The following NOS1AP variants were observed in gnomAD, a reference collection of about 807,000 sequenced individuals.
NOS1AP encodes carboxyl-terminal PDZ ligand of neuronal nitric oxide synthase protein.
Under a neutral mutation model 56.2 loss-of-function variants are expected in NOS1AP, and 21 were observed. The observed-to-expected ratio is 0.37, with a 90% confidence interval of 0.26 to 0.54. The LOEUF (loss-of-function observed/expected upper bound fraction) is 0.54. NOS1AP is among the 20% of genes least tolerant of loss of function. The pLI is 0.84. For synonymous variants in NOS1AP, 270 were observed against 274.6 expected (o/e 0.98, Z 0.17); for missense variants, 522 against 657.8 (o/e 0.79, Z 2.26).
intron 2 of NOS1AP, among the ~76,000 whole-genome samples, chr1:162,238,305 G>A (rs1194408632): frequency 6.6e-6 from 1 of 152,070 alleles, no homozygotes; most frequent in East Asian, 1.9e-4. Flanking sequence ...GGGTATTTTT[G>A]TGCGGGTCAC....
intron 1 of NOS1AP, among the ~76,000 whole-genome samples, chr1:162,076,691 C>T (rs1483562111): frequency 2.0e-5 from 3 of 152,170 alleles, no homozygotes; most frequent in Non-Finnish European, 4.4e-5. Flanking sequence ...CATGGTGAAA[C>T]CCCATCTCTA....
At chr1:162,117,040 T>C (rs1450527377) in intron 1 of NOS1AP, among the ~76,000 whole-genome samples, 1 of 152,180 alleles carries the variant, frequency 6.6e-6, no homozygotes, top group Non-Finnish European at 1.5e-5. Flanking sequence ...TGAGCTCTCA[T>C]GAAGCTTCTT....
intron 1 of NOS1AP, among the ~76,000 whole-genome samples, chr1:162,123,696 A>T (rs76111323): frequency 0.025 from 3,792 of 152,270 alleles, 156 homozygotes; most frequent in African/African-American, 0.086. Context: ...GAGGAAAATT[A>T]CAAAAATAGG....
intron 4 of NOS1AP, among the ~76,000 whole-genome samples, chr1:162,303,158 A>G (rs1242378902): frequency 6.6e-6 from 1 of 152,200 alleles, no homozygotes; most frequent in African/African-American, 2.4e-5. Context: ...TCATATGTTC[A>G]TTATGTTCAA....
At chr1:162,212,405 A>G (rs1036297508) in intron 2 of NOS1AP, among the ~76,000 whole-genome samples, 2 of 152,170 alleles carry the variant, frequency 1.3e-5, no homozygotes, top group African/African-American at 4.8e-5. Context: ...TCCTGCCCTC[A>G]TGAAACACAG....
At chr1:162,180,402 G>A (rs1389403595) in intron 2 of NOS1AP, among the ~76,000 whole-genome samples, 17 of 151,800 alleles carry the variant, frequency 1.1e-4, no homozygotes, top group Non-Finnish European at 1.9e-4. Flanking sequence ...CCGCCACCAC[G>A]GCCAGCTAAT....
intron 4 of NOS1AP, among the ~76,000 whole-genome samples, chr1:162,308,512 G>A (rs2819314): frequency 0.55 from 83,223 of 151,938 alleles, 22,974 homozygotes; most frequent in South Asian, 0.6. Flanking sequence ...ACCAGGCGGG[G>A]CTGGTGCTGA....
chr1:162,301,033 G>A (rs1202210515), intron 4 of NOS1AP, among the ~76,000 whole-genome samples: 1 of 152,152 alleles, frequency 6.6e-6, no homozygotes, highest in African/African-American at 2.4e-5. Context: ...ATCAAAATAA[G>A]AAAACTGGAT....
chr1:162,180,730 G>A (rs746049204), intron 2 of NOS1AP, among the ~76,000 whole-genome samples: 1 of 152,102 alleles, frequency 6.6e-6, no homozygotes, highest in African/African-American at 2.4e-5. Context: ...CAACGACAAC[G>A]TGAGCTTGGG....
At chr1:162,151,062 C>T (rs1203374266) in intron 1 of NOS1AP, among the ~76,000 whole-genome samples, 2 of 152,140 alleles carry the variant, frequency 1.3e-5, no homozygotes, top group African/African-American at 2.4e-5. Flanking sequence ...AGAGTTTCCC[C>T]AACATTTTCT....
intron 2 of NOS1AP, among the ~76,000 whole-genome samples, chr1:162,160,666 C>T (rs894262098): frequency 1.3e-5 from 2 of 152,096 alleles, no homozygotes; most frequent in Admixed American, 1.3e-4. Flanking sequence ...CCTAAGTGGC[C>T]CCCCTCAGCA....
At chr1:162,276,968 T>TAGTTCACAAAGC (rs1162269113) in intron 2 of NOS1AP, among the ~76,000 whole-genome samples, 2 of 152,182 alleles carry the variant, frequency 1.3e-5, no homozygotes, top group Non-Finnish European at 2.9e-5. Flanking sequence ...TAGAGATGGT[T>TAGTTCACAAAGC]AGTTCACAAA....
chr1:162,147,905 T>C (rs1649548170), intron 1 of NOS1AP, among the ~76,000 whole-genome samples: 1 of 152,190 alleles, frequency 6.6e-6, no homozygotes. Flanking sequence ...AGGCCCTGTT[T>C]GATGTCTCAC....
intron 2 of NOS1AP, among the ~76,000 whole-genome samples, chr1:162,264,133 G>T (rs545404667): frequency 3.5e-4 from 54 of 152,264 alleles, no homozygotes; most frequent in Admixed American, 3.3e-3. Context: ...CTCCAGCCAT[G>T]TTCCACTTCA....
intron 1 of NOS1AP, among the ~76,000 whole-genome samples, chr1:162,136,045 G>A (rs1184299195): frequency 6.6e-6 from 1 of 152,154 alleles, no homozygotes; most frequent in Non-Finnish European, 1.5e-5. Flanking sequence ...AGAAGCAAGT[G>A]AAAACATTGA....
At chr1:162,213,533 T>A (rs1652442837) in intron 2 of NOS1AP, among the ~76,000 whole-genome samples, 1 of 152,232 alleles carries the variant, frequency 6.6e-6, no homozygotes, top group Non-Finnish European at 1.5e-5. Flanking sequence ...ACCTCCTATT[T>A]TCTGTCCTCA....
chr1:162,194,560 C>T (rs527562526), intron 2 of NOS1AP, among the ~76,000 whole-genome samples: 36 of 152,314 alleles, frequency 2.4e-4, no homozygotes, highest in Middle Eastern at 6.8e-3. Flanking sequence ...AAGGTTTGTA[C>T]TCTGTTCCAG....
At chr1:162,267,596 C>CAAA (rs71829190) in intron 2 of NOS1AP, among the ~76,000 whole-genome samples, 2 of 100,120 alleles carry the variant, frequency 2.0e-5, no homozygotes. Flanking sequence ...CCTGTCTCTA[C>CAAA]AAAAAAAAAA....
chr1:162,212,209 G>C (rs556507836), intron 2 of NOS1AP, among the ~76,000 whole-genome samples: 2 of 152,218 alleles, frequency 1.3e-5, no homozygotes, highest in Non-Finnish European at 2.9e-5. Flanking sequence ...CCTCTGCAAG[G>C]CTGGGAAGGT....
Sources: allele counts gnomAD v4.1 joint callset (sites outside exome capture counted in the v4.1 genomes callset), GRCh38; gene constraint gnomAD v4.1.1; transcripts MANE v1.5; gene names NCBI Gene and HGNC (gene_info 2026-07-23, HGNC 2026-07-21).